The following CYP2A7 variants were observed in gnomAD, a reference collection of about 807,000 sequenced individuals.
CYP2A7 encodes cytochrome P450 family 2 subfamily A member 7, also known as cytochrome P450 2A7.
In CYP2A7, 36 loss-of-function variants were observed where a neutral mutation model predicts 42.0. That is an observed-to-expected ratio of 0.86 (90% CI 0.66 to 1.13). The LOEUF (loss-of-function observed/expected upper bound fraction) is 1.13. Among genes scored for constraint, CYP2A7 ranks in the 50% most tolerant of loss-of-function variants. CYP2A7 has a pLI of 0.00. For synonymous variants in CYP2A7, 260 were observed against 249.5 expected, an observed-to-expected ratio of 1.04 and a Z score of -0.40; for missense variants, 661 against 634.1, an observed-to-expected ratio of 1.04 and a Z score of -0.46.
In CYP2A7 at chr19:40,877,209, C is replaced by G. The variant is rs751866169; in HGVS notation, c.1142G>C (p.Arg381Pro). The G allele has an allele frequency of 6.2e-7, 1 of 1,612,638 alleles. No homozygotes were observed. Among genetic ancestry groups the G allele is most frequent in the South Asian group, 1.1e-5 (1 of 91,014 alleles). Reference protein sequence around the residue: ...ARRVKKDTKFRDFFLPKGTEV... With the variant: ...ARRVKKDTKFPDFFLPKGTEV... ...TAGCACCTTAGGGAGGAAAAAATCC[C>G]GAAACTTGGTGTCCTTTTTAACCCT... is the stretch of plus-strand genomic sequence containing the variant. The change falls in exon 7 of 9, where the codon CGG (arginine) becomes CCG (proline). Residue 381 changes from arginine to proline, a missense_variant. By Grantham distance (103) the Arg-to-Pro change is moderately radical. Around this residue, in one of 3 missense-constraint regions of CYP2A7, gnomAD observed 614 missense variants for 552.4 expected, o/e 1.11. Coordinates refer to ENST00000301146, the MANE Select transcript of CYP2A7 (RefSeq NM_000764.3).
At chr19:40,877,503 C>T in intron 6 of CYP2A7, 126 bp from the exon 7 acceptor site, 1 of 1,403,002 alleles carries the variant, frequency 7.1e-7, no homozygotes, top group South Asian at 1.4e-5. Flanking sequence ...GCATTCATAA[C>T]AGAACAGACA....
chr19:40,878,850 G>A lies in CYP2A7; in HGVS notation c.741C>T (p.Phe247=), dbSNP rs1385134267. 1.2e-6 allele frequency: 2 copies of A among 1,611,908 alleles called. No individual in the cohort carries two copies. The highest frequency in any genetic ancestry group is 2.7e-5 in the African/African-American group (2 of 74,872). The stretch of plus-strand genomic sequence containing the variant: ...GGTTGTGCTCCACCTTCTTGGCTAT[G>A]AAGTCCTCCAGCCCTTGCAGCAACT... ...AFKLLQGLED[F]IAKKVEHNQR... Residue 247 remains phenylalanine, a synonymous_variant, in exon 5 of 9, where the codon TTC becomes TTT. Coordinates refer to ENST00000301146, the MANE Select transcript of CYP2A7 (RefSeq NM_000764.3).
At position 40,877,910 on chromosome 19, in the gene CYP2A7, C is replaced by T. The variant is rs139997615; in HGVS notation, c.915G>A (p.Thr305=). ...TLNLFIAGTE[T]VSTTLRYGFL... ...AGCCATAGCGCAGGGTGGTGCTGACCGTCTCGGTGCCTGCAATGAAGAGGT... is the reference window on the plus strand; with the variant it reads ...AGCCATAGCGCAGGGTGGTGCTGACTGTCTCGGTGCCTGCAATGAAGAGGT... Residue 305 remains threonine (T), a synonymous_variant, in exon 6 of 9, where the codon ACG becomes ACA. Transcript: ENST00000301146. 9.4e-5 allele frequency: 152 copies of T among 1,612,484 alleles called. 1 individual carries two copies. The African/African-American group carries it at 1.1e-3, about 12-fold the overall frequency.
Position 40,880,233 on chromosome 19 carries a change from C to CCT in CYP2A7, c.504_505insAG (p.Asp169ArgfsTer7), listed in dbSNP as rs1568527227. 6.2e-7 allele frequency: 1 copy of CCT among 1,612,188 alleles called. No homozygotes were observed. The highest frequency in any genetic ancestry group is 1.7e-5 in the Admixed American group (1 of 59,812). On this transcript the variant is annotated frameshift_variant, in exon 4 of 9. Transcript: ENST00000301146. LOFTEE classifies it high-confidence loss of function. ...GTGCGGCTCAGGAAGAAGGTGGGAT[C>CCT]GATATTGGCGCCTGCGGGTGTGGAG... is the stretch of plus-strand genomic sequence containing the variant.
At chr19:40,879,589 T>C (rs188419731) in intron 4 of CYP2A7, among the ~76,000 whole-genome samples, 54 of 151,744 alleles carry the variant, frequency 3.6e-4, no homozygotes, top group African/African-American at 1.2e-3. Context: ...AGGGCAGCTG[T>C]CCATGTTTTC....
In CYP2A7 at chr19:40,878,768, T is replaced by A. The variant is rs564470109; in HGVS notation, c.823A>T (p.Met275Leu). The A allele has an allele frequency of 1.1e-5, 18 of 1,610,992 alleles. No homozygotes were observed. Among genetic ancestry groups the A allele is most frequent in the Non-Finnish European group, 1.5e-5 (18 of 1,178,080 alleles). Residue 275 changes from methionine to leucine, a missense_variant, in exon 5 of 9, where the codon ATG becomes TTG. Transcript: ENST00000301146. The part of the protein sequence containing the change: ...QDFIDSFLIH[M>L]QEEEKNPNTE... ...TGGCTGCTGGGGTGTACCTCCTGCA[T>A]GTGGATGAGAAAGGAGTCGATGAAG...
intron 5 of CYP2A7, among the ~76,000 whole-genome samples, chr19:40,878,442 G>A (rs537219263): frequency 2.6e-5 from 4 of 151,852 alleles, no homozygotes; most frequent in East Asian, 3.9e-4. Flanking sequence ...CTGGAGTGCA[G>A]TGCCGTGATC....
At position 40,878,782 on chromosome 19, in the gene CYP2A7, G is replaced by A; in HGVS notation, c.809C>T (p.Ser270Phe). The change falls in exon 5 of 9, where the codon TCC (serine) becomes TTC (phenylalanine). Residue 270 changes from serine (S) to phenylalanine (F), a missense_variant. This residue lies in a region of CYP2A7 where 614 missense variants were observed against 552.4 expected (regional missense o/e 1.11). Coordinates refer to ENST00000301146, the MANE Select transcript of CYP2A7 (RefSeq NM_000764.3). ...TACCTCCTGCATGTGGATGAGAAAGGAGTCGATGAAGTCCTGTGGGGAATT... is the reference window on the plus strand; with the variant it reads ...TACCTCCTGCATGTGGATGAGAAAGAAGTCGATGAAGTCCTGTGGGGAATT... ...DPNSPQDFID[S>F]FLIHMQEEEK... The A allele has an allele frequency of 5.6e-6, 9 of 1,611,560 alleles. No homozygotes were observed. The highest frequency in any genetic ancestry group is 7.6e-6 in the Non-Finnish European group (9 of 1,178,350).
Position 40,879,964 on chromosome 19 carries a change from G to T in CYP2A7, c.654+120C>A, listed in dbSNP as rs1052598982. ...AACTGTCCAGTTGTCCAATATCGGG[G>T]GCTGATTTTGAGGGGACACTGTCTG... On this transcript the variant is annotated intron_variant, in intron 4 of 8. Coordinates refer to ENST00000301146, the MANE Select transcript of CYP2A7 (RefSeq NM_000764.3). The T allele has an allele frequency of 1.5e-5, 22 of 1,499,254 alleles. 1 individual carries two copies. Among genetic ancestry groups the T allele is most frequent in the Non-Finnish European group, 2.0e-5 (22 of 1,101,960 alleles). The allele number at this position is 1,499,254 out of a possible 1,614,324, so 92.9% of individuals were successfully genotyped here. A position where few individuals can be genotyped will look rare whatever the true frequency, so the allele number is the denominator to read the frequency against.
At chr19:40,879,800 G>C (rs1967612515) in intron 4 of CYP2A7, among the ~76,000 whole-genome samples, 1 of 150,832 alleles carries the variant, frequency 6.6e-6, no homozygotes. Context: ...GCATCTGTTA[G>C]AAATTACGGT....
chr19:40,882,180 A>G lies in CYP2A7; in HGVS notation c.31T>C (p.Leu11=). 2 of 1,613,984 alleles carry G rather than the reference A, an allele frequency of 1.2e-6. No homozygotes were observed. Among genetic ancestry groups the G allele is most frequent in the Non-Finnish European group, 1.7e-6 (2 of 1,179,850 alleles). MLASGLLLVA[L]LACLTVMVLM... The stretch of plus-strand genomic sequence containing the variant: ...ACCATCACAGTCAGGCAGGCCAGCA[A>G]GGCCACCAGAAGCAGCCCTGAGGCC... The change falls in exon 1 of 9, where the codon TTG becomes CTG. Residue 11 remains leucine, a synonymous_variant. Transcript: ENST00000301146.
At position 40,876,643 on chromosome 19, in the gene CYP2A7, C is replaced by T. The variant is rs1568524787; in HGVS notation, c.1187G>A (p.Gly396Asp). ...GAAGCTGGGGTCTCTCAGCACGGAGCCCAGCATAGGGAACACTTCGGTGCC... is the reference window on the plus strand; with the variant it reads ...GAAGCTGGGGTCTCTCAGCACGGAGTCCAGCATAGGGAACACTTCGGTGCC... Reference protein sequence around the residue: ...PKGTEVFPMLGSVLRDPSFFS... With the variant: ...PKGTEVFPMLDSVLRDPSFFS... Residue 396 changes from glycine to aspartate, a missense_variant, in exon 8 of 9, where the codon GGC becomes GAC. By Grantham distance (94) the Gly-to-Asp change is moderately conservative. Around this residue, in one of 3 missense-constraint regions of CYP2A7, gnomAD observed 614 missense variants for 552.4 expected, o/e 1.11. Coordinates refer to ENST00000301146, the MANE Select transcript of CYP2A7 (RefSeq NM_000764.3). 7 of 1,612,574 alleles carry T rather than the reference C, an allele frequency of 4.3e-6. No individual in the cohort carries two copies. Among genetic ancestry groups the T allele is most frequent in the Middle Eastern group, 1.6e-4 (1 of 6,080 alleles).
chr19:40,880,306 C>G lies in CYP2A7; in HGVS notation c.494-62G>C, dbSNP rs957024259. ...GTCAACTCAGAGGTCTGAGGAGAATCAGAATTCCAGGAGGCAGGGCCTTGT... is the reference window on the plus strand; with the variant it reads ...GTCAACTCAGAGGTCTGAGGAGAATGAGAATTCCAGGAGGCAGGGCCTTGT... On this transcript the variant is annotated intron_variant, in intron 3 of 8. Transcript: ENST00000301146. The G allele has an allele frequency of 1.2e-5, 19 of 1,579,154 alleles. 1 individual carries two copies. The Admixed American group carries it at 1.8e-4, about 15-fold the overall frequency.
At position 40,875,670 on chromosome 19, in the gene CYP2A7, A is replaced by C. The variant is rs146104447; in HGVS notation, c.*23T>G. The C allele has an allele frequency of 3.0e-3, 4,816 of 1,611,032 alleles. 108 individuals are homozygous for C. The African/African-American group carries it at 0.041, about 14-fold the overall frequency. ...GCCTTTCCCTGGCCCCGCCCACCAG[A>C]CCTGCACCGGCACAGCCCTCGCTCA... On this transcript the variant is annotated 3_prime_UTR_variant, in exon 9 of 9. Transcript: ENST00000301146.
In CYP2A7 at chr19:40,882,095, G is replaced by A; in HGVS notation, c.116C>T (p.Pro39Leu). 1 of 1,613,970 alleles carries A rather than the reference G, an allele frequency of 6.2e-7. No individual in the cohort carries two copies. The highest frequency in any genetic ancestry group is 8.5e-7 in the Non-Finnish European group (1 of 1,179,892). ...SRGKLPPGPT[P>L]LPFIGNYLQL... ...GAGGTAGTTTCCAATGAAGGGCAGTGGGGTGGGTCCCGGAGGCAGCTTCCC... is the reference window on the plus strand; with the variant it reads ...GAGGTAGTTTCCAATGAAGGGCAGTAGGGTGGGTCCCGGAGGCAGCTTCCC... The change falls in exon 1 of 9, where the codon CCA becomes CTA. Residue 39 changes from proline to leucine, a missense_variant. Pro to Leu is a moderately conservative substitution (Grantham distance 98). Coordinates refer to ENST00000301146, the MANE Select transcript of CYP2A7 (RefSeq NM_000764.3).
In CYP2A7 at chr19:40,880,724, G is replaced by T. The variant is rs1038746630; in HGVS notation, c.344-96C>A. 6 of 1,330,846 alleles carry T rather than the reference G, an allele frequency of 4.5e-6. 1 individual carries two copies. Among genetic ancestry groups the T allele is most frequent in the South Asian group, 1.4e-5 (1 of 73,260 alleles). The allele number at this position is 1,330,846 out of a possible 1,614,324, so 82.4% of individuals were successfully genotyped here. On this transcript the variant is annotated intron_variant, in intron 2 of 8. Coordinates refer to ENST00000301146, the MANE Select transcript of CYP2A7 (RefSeq NM_000764.3). ...GGCTCCCCAAGGGTGGAGCAGAGGG[G>T]TAGTGGGGTGGGAGAGAGATGGATT...
rs1371586070 is a variant in CYP2A7, at chr19:40,880,625, A to G, written c.347T>C (p.Val116Ala). 1.3e-6 allele frequency: 2 copies of G among 1,587,060 alleles called. No individual in the cohort carries two copies. The highest frequency in any genetic ancestry group is 1.7e-6 in the Non-Finnish European group (2 of 1,163,672). Residue 116 changes from valine to alanine, a missense_variant, in exon 3 of 9, where the codon GTG becomes GCG. Physicochemically the swap from Val to Ala is moderately conservative, Grantham distance 64 (BLOSUM62 0). Coordinates refer to ENST00000301146, the MANE Select transcript of CYP2A7 (RefSeq NM_000764.3). ...TFDWVFKGYG[V>A]AFSNGERAKQ... ...GGCGCGCTCCCCGTTGCTGAACGCC[A>G]CGCCTGGGGAGGTCAAGGCGGGGGT...
Position 40,878,916 on chromosome 19 carries a change from C to G in CYP2A7, c.675G>C (p.Ser225=). 1 of 1,609,394 alleles carries G rather than the reference C, an allele frequency of 6.2e-7. No homozygotes were observed. The highest frequency in any genetic ancestry group is 8.5e-7 in the Non-Finnish European group (1 of 1,176,816). The change falls in exon 5 of 9, where the codon TCG becomes TCC. Residue 225 remains serine (S), a synonymous_variant. Coordinates refer to ENST00000301146, the MANE Select transcript of CYP2A7 (RefSeq NM_000764.3). ...GTGGTCCTGGCAGGTGTTTCATCAC[C>G]GAAGAGAACATCTCATAGAGCTGGG... ...STGQLYEMFS[S]VMKHLPGPQQ...
Position 40,875,562 on chromosome 19 carries a change from C to T in CYP2A7, c.*131G>A, listed in dbSNP as rs1378192832. The stretch of plus-strand genomic sequence containing the variant: ...TGAGCCGCTTCTGTTTCTTCTCTTC[C>T]CTCTAGCCACCACGCCCCTTCCTTT... On this transcript the variant is annotated 3_prime_UTR_variant, in exon 9 of 9. Transcript: ENST00000301146. The T allele has an allele frequency of 8.4e-6, 12 of 1,431,924 alleles. No homozygotes were observed. The highest frequency in any genetic ancestry group is 1.1e-5 in the Non-Finnish European group (12 of 1,055,512). The allele number at this position is 1,431,924 out of a possible 1,614,324, so 88.7% of individuals were successfully genotyped here. A position where few individuals can be genotyped will look rare whatever the true frequency, so the allele number is the denominator to read the frequency against.
Sources: gnomAD v4.1 joint callset for allele counts (sites outside exome capture counted in the v4.1 genomes callset) on GRCh38, gnomAD v4.1.1 for gene constraint, gnomAD v4.1.1 regional missense constraint, MANE v1.5 for transcripts, NCBI Gene and HGNC (gene_info 2026-07-23, HGNC 2026-07-21) for gene names.